NRXN3: variants seen among roughly 807,000 people sequenced by gnomAD.
The protein encoded by NRXN3 is neurexin III.
In NRXN3, 32 loss-of-function variants were observed where a neutral mutation model predicts 137.6. The ratio of observed to expected loss-of-function variants is 0.23; its 90% confidence interval spans 0.18 to 0.31. The LOEUF is 0.31. Among genes scored for constraint, NRXN3 ranks in the 10% least tolerant of loss-of-function variants. NRXN3 has a pLI of 1.00. For missense variants in NRXN3, 1,574 were observed against 2,062.5 expected (o/e 0.76, Z 4.59); for synonymous variants, 798 against 784.5 (o/e 1.02, Z -0.29).
chr14:78,840,058 G>A (rs1365737324), intron 10 of NRXN3, among the ~76,000 whole-genome samples: 1 of 152,160 alleles, frequency 6.6e-6, no homozygotes, highest in Non-Finnish European at 1.5e-5. Context: ...TTGAAACAGA[G>A]AGCAAAATAC....
At chr14:79,785,627 T>C (rs576409619) in intron 19 of NRXN3, among the ~76,000 whole-genome samples, 21 of 152,156 alleles carry the variant, frequency 1.4e-4, no homozygotes, top group Non-Finnish European at 2.2e-4. Flanking sequence ...TACTATCATT[T>C]AAGGACAGTT....
At chr14:78,914,679 A>G (rs1469669035) in intron 10 of NRXN3, among the ~76,000 whole-genome samples, 1 of 152,166 alleles carries the variant, frequency 6.6e-6, no homozygotes, top group Non-Finnish European at 1.5e-5. Context: ...AAAGTAAGAG[A>G]TGAGACTAGA....
intron 16 of NRXN3, among the ~76,000 whole-genome samples, chr14:79,559,954 C>A (rs2097474042): frequency 6.6e-6 from 1 of 151,588 alleles, no homozygotes; most frequent in Admixed American, 6.6e-5. Flanking sequence ...CTTTGTGGGA[C>A]CTAAAGCTTG....
At chr14:78,826,037 T>A (rs77488182) in intron 10 of NRXN3, among the ~76,000 whole-genome samples, 3,341 of 152,260 alleles carry the variant, frequency 0.022, 111 homozygotes, top group South Asian at 0.12. Flanking sequence ...AACAATAATA[T>A]AGGCCAATAT....
chr14:79,546,147 CCT>C (rs1158286170), intron 16 of NRXN3, among the ~76,000 whole-genome samples: 1 of 152,122 alleles, frequency 6.6e-6, no homozygotes. Flanking sequence ...TCCAATTAAA[CCT>C]CTTTCTTTTG....
intron 6 of NRXN3, among the ~76,000 whole-genome samples, chr14:78,678,193 A>G (rs1414991484): frequency 1.3e-5 from 2 of 152,172 alleles, no homozygotes; most frequent in Non-Finnish European, 1.5e-5. Flanking sequence ...CAAAATTTAT[A>G]TAAATGGTAT....
intron 16 of NRXN3, among the ~76,000 whole-genome samples, chr14:79,615,657 C>T (rs1170561336): frequency 6.6e-6 from 1 of 152,122 alleles, no homozygotes; most frequent in Non-Finnish European, 1.5e-5. Flanking sequence ...CTTCACATGG[C>T]AGCAGGAGAG....
At chr14:78,913,266 C>CTTTTTTTTTTTTTTTTTT (rs2099244939) in intron 10 of NRXN3, among the ~76,000 whole-genome samples, 1 of 71,314 alleles carries the variant, frequency 1.4e-5, no homozygotes, top group African/African-American at 7.1e-5. Context: ...TTCTTTCTTT[C>CTTTTTTTTTTTTTTTTTT]TTTCTTTCTT....
rs113960584 is a variant in NRXN3, at chr14:79,152,986, T to C, written c.3262+164845T>C. ...CTAAACCATTTTTCACTTCCCTCTG[T>C]TTCAGTAACCTAAAAATCTAGGGTT... On this transcript the variant is annotated intron_variant, in intron 15 of 20. Transcript: ENST00000335750. Among the ~76,000 whole-genome samples the C allele has an allele frequency of 1.6e-3, 246 of 152,112 alleles. 1 individual carries two copies. Among genetic ancestry groups the C allele is most frequent in the Middle Eastern group, 6.8e-3 (2 of 294 alleles).
At chr14:79,363,906 T>C (rs2093779715) in intron 15 of NRXN3, among the ~76,000 whole-genome samples, 1 of 152,208 alleles carries the variant, frequency 6.6e-6, no homozygotes, top group Non-Finnish European at 1.5e-5. Context: ...GCTTCATGGC[T>C]ATAGGGACAT....
intron 10 of NRXN3, among the ~76,000 whole-genome samples, chr14:78,903,487 G>A (rs536586375): frequency 6.6e-6 from 1 of 151,976 alleles, no homozygotes; most frequent in South Asian, 2.1e-4. Context: ...CTTGGTGCAG[G>A]TGCGTAAGAC....
chr14:79,078,294 C>T (rs773477875), intron 15 of NRXN3, among the ~76,000 whole-genome samples: 53 of 152,224 alleles, frequency 3.5e-4, no homozygotes, highest in South Asian at 1.2e-3. Context: ...ATAAATCACT[C>T]GCATGTTAAC....
intron 4 of NRXN3, among the ~76,000 whole-genome samples, chr14:78,639,200 C>T (rs892336439): frequency 7.9e-5 from 12 of 152,210 alleles, no homozygotes; most frequent in African/African-American, 2.7e-4. Context: ...CATTAGTTTC[C>T]AGGTGGGCCA....
intron 16 of NRXN3, among the ~76,000 whole-genome samples, chr14:79,474,835 G>A (rs762249984): frequency 2.0e-5 from 3 of 151,944 alleles, no homozygotes; most frequent in Admixed American, 6.6e-5. Flanking sequence ...AGGGAAAGAG[G>A]AGGAGGAAGG....
intron 4 of NRXN3, among the ~76,000 whole-genome samples, chr14:78,389,955 T>C (rs2090533479): frequency 6.6e-6 from 1 of 152,206 alleles, no homozygotes; most frequent in Non-Finnish European, 1.5e-5. Context: ...TATAAACTTT[T>C]CCAGCATAAG....
In NRXN3 at chr14:79,861,499, G is replaced by A. The variant is rs763322026; in HGVS notation, c.4251G>A (p.Ser1417=). 10 of 1,539,236 alleles carry A rather than the reference G, an allele frequency of 6.5e-6. No homozygotes were observed. Among genetic ancestry groups the A allele is most frequent in the Middle Eastern group, 1.7e-4 (1 of 5,996 alleles). Residue 1417 remains serine (S), a synonymous_variant, in exon 21 of 21, where the codon TCG becomes TCA. Coordinates refer to ENST00000335750, the MANE Select transcript of NRXN3 (RefSeq NM_001330195.2). The surrounding 1 kb of genome is among the most constrained non-coding windows in gnomAD (Gnocchi z 5.4). ...PELIRFTASS[S]SGMVPKLPAG... ...TGATCCGCTTCACAGCTTCCTCCTCGTCTGGGATGGTGCCCAAATTGCCAG... is the reference window on the plus strand; with the variant it reads ...TGATCCGCTTCACAGCTTCCTCCTCATCTGGGATGGTGCCCAAATTGCCAG...
chr14:78,877,659 T>C (rs2099117065), intron 10 of NRXN3, among the ~76,000 whole-genome samples: 1 of 152,200 alleles, frequency 6.6e-6, no homozygotes, highest in African/African-American at 2.4e-5. Context: ...TATGAATCCA[T>C]GTGTAATGTT....
Position 79,713,596 on chromosome 14 carries a change from CATACAT to C in NRXN3, c.4014+15674_4014+15679del, listed in dbSNP as rs1191171361. On this transcript the variant is annotated intron_variant, in intron 19 of 20. Coordinates refer to ENST00000335750, the MANE Select transcript of NRXN3 (RefSeq NM_001330195.2). ...TAGTTTATATATACATATATATATA[CATACAT>C]ATACATATACATATGTATGTATATA... Among the ~76,000 whole-genome samples the C allele has an allele frequency of 1.0e-4, 12 of 116,432 alleles. No homozygotes were observed. The East Asian group carries it at 2.4e-3, about 24-fold the overall frequency. The allele number at this position is 116,432 out of a possible 152,430, so 76.4% of individuals were successfully genotyped here.
At chr14:79,234,597 A>G (rs1412478172) in intron 15 of NRXN3, among the ~76,000 whole-genome samples, 2 of 151,202 alleles carry the variant, frequency 1.3e-5, no homozygotes, top group Non-Finnish European at 2.9e-5. Context: ...GTTGGCCAGG[A>G]TGGTCTCAAA....
Sources: allele counts gnomAD v4.1 joint callset (sites outside exome capture counted in the v4.1 genomes callset), GRCh38; gene constraint gnomAD v4.1.1; non-coding constraint Gnocchi (gnomAD v3.1); transcripts MANE v1.5; gene names NCBI Gene and HGNC (gene_info 2026-07-23, HGNC 2026-07-21).